The following FANCI variants were observed in gnomAD, a reference collection of about 807,000 sequenced individuals.
The protein encoded by FANCI is Fanconi anemia group I protein.
FANCI carries 156 observed loss-of-function variants against 176.1 expected under a neutral mutation model. That is an observed-to-expected ratio of 0.89 (90% CI 0.78 to 1.01). FANCI has a LOEUF of 1.01. FANCI is among the 50% of genes least tolerant of loss of function. The probability of loss-of-function intolerance (pLI) is 0.00; values close to 1 mark genes in which losing one functional copy is unlikely to be tolerated. For synonymous variants in FANCI, 613 were observed against 541.7 expected, an observed-to-expected ratio of 1.13 and a Z score of -1.83; for missense variants, 1,678 against 1,534.1, an observed-to-expected ratio of 1.09 and a Z score of -1.57.
chr15:89,311,413 C>T (rs1356185766), intron 34 of FANCI, among the ~76,000 whole-genome samples: 1 of 152,122 alleles, frequency 6.6e-6, no homozygotes, highest in Non-Finnish European at 1.5e-5. Flanking sequence ...AGTGAAACTC[C>T]ACCTCAAAAA....
At chr15:89,288,852 A>T (rs1365811476) in intron 18 of FANCI, among the ~76,000 whole-genome samples, 2 of 151,422 alleles carry the variant, frequency 1.3e-5, no homozygotes, top group East Asian at 1.9e-4. Context: ...GTTGCCCAGG[A>T]TGGTCTCAAA....
intron 18 of FANCI, among the ~76,000 whole-genome samples, chr15:89,288,763 T>G (rs2053931747): frequency 6.6e-6 from 1 of 151,738 alleles, no homozygotes. Context: ...ATTGGGACCA[T>G]AGGCACAAGC....
chr15:89,286,193 A>G (rs2053809788), intron 18 of FANCI, among the ~76,000 whole-genome samples: 1 of 152,024 alleles, frequency 6.6e-6, no homozygotes, highest in African/African-American at 2.4e-5. Flanking sequence ...GGATTTCACC[A>G]TGTTGGCCAG....
At chr15:89,268,586 C>T (rs778484251) in intron 10 of FANCI, 61 bp downstream of exon 10, 87 of 1,596,436 alleles carry the variant, frequency 5.4e-5, no homozygotes, top group Non-Finnish European at 7.1e-5. Context: ...TGAACTTAAG[C>T]CACTGTTATG....
At chr15:89,253,168 A>T (rs917541630) in intron 2 of FANCI, among the ~76,000 whole-genome samples, 1 of 152,234 alleles carries the variant, frequency 6.6e-6, no homozygotes, top group East Asian at 1.9e-4. Context: ...AATAGACCCA[A>T]CTACAAGTAA....
At position 89,297,202 on chromosome 15, in the gene FANCI, C is replaced by T. The variant is rs562084658; in HGVS notation, c.2636+2108C>T. Among the ~76,000 whole-genome samples, 428 of 150,232 alleles carry T rather than the reference C, an allele frequency of 2.8e-3. 3 individuals are homozygous for T. The highest frequency in any genetic ancestry group is 5.3e-3 in the South Asian group (25 of 4,732). ...GGTGCTCCTCACATCCCAGACGGGG[C>T]GGCGGGGCAGAGGCGCTCCCCACAT... On this transcript the variant is annotated intron_variant, in intron 24 of 37. Transcript: ENST00000310775.
At chr15:89,305,434 G>T in intron 30 of FANCI, 25 bp downstream of exon 30, 1 of 1,613,120 alleles carries the variant, frequency 6.2e-7, no homozygotes. Flanking sequence ...TGAGCCATGG[G>T]GAATAGCTTT....
chr15:89,253,967 A>G (rs1273533902), intron 2 of FANCI, among the ~76,000 whole-genome samples: 1 of 152,180 alleles, frequency 6.6e-6, no homozygotes, highest in Non-Finnish European at 1.5e-5. Context: ...TGCTGGGATT[A>G]CAGGCAGGAG....
At position 89,292,876 on chromosome 15, in the gene FANCI, G is replaced by A. The variant is rs886051512; in HGVS notation, c.2169+12G>A. 13 of 1,613,950 alleles carry A rather than the reference G, an allele frequency of 8.1e-6. No individual in the cohort carries two copies. The highest frequency in any genetic ancestry group is 1.1e-5 in the Non-Finnish European group (13 of 1,180,014). On this transcript the variant is annotated intron_variant, in intron 21 of 37. Transcript: ENST00000310775. The stretch of plus-strand genomic sequence containing the variant: ...AAGACTTTGAACTGGTAATTGCTAA[G>A]TCCTCAGCTGTATTGAATGATGGAG...
chr15:89,305,485 C>A (rs1427011110), intron 30 of FANCI, 76 bp downstream of exon 30: 2 of 1,608,544 alleles, frequency 1.2e-6, no homozygotes, highest in African/African-American at 2.7e-5. Flanking sequence ...TGACTTGTGT[C>A]CTATAGCGGC....
In FANCI at chr15:89,258,688, TTTTC is replaced by T. The variant is rs780851662; in HGVS notation, c.85-8_85-5del. ...AGACTGTTGCCAGAGACTTGTACCT[TTTTC>T]TTTCTTTGCAGTTGACTAATCTCCT... On this transcript the variant is annotated splice_polypyrimidine_tract_variant and intron_variant, in intron 2 of 37. Transcript: ENST00000310775. The T allele has an allele frequency of 6.2e-7, 1 of 1,608,716 alleles. No individual in the cohort carries two copies. The highest frequency in any genetic ancestry group is 1.7e-5 in the Admixed American group (1 of 60,020).
chr15:89,314,330 A>G (rs2055110011), intron 35 of FANCI, among the ~76,000 whole-genome samples: 1 of 152,244 alleles, frequency 6.6e-6, no homozygotes. Context: ...CAGAAAAGCA[A>G]CTAAATTTCT....
In FANCI at chr15:89,292,736, A is replaced by G. The variant is rs554876309; in HGVS notation, c.2041A>G (p.Thr681Ala). ...IQHCLAWYKNTVIPLQQGEEE... is the reference protein window; with the variant it reads ...IQHCLAWYKNAVIPLQQGEEE... Reference sequence around the variant, plus strand: ...GCATTGTTTGGCCTGGTATAAGAATACAGTCATACCCTTACAGCAGGGAGA... The same window carrying G: ...GCATTGTTTGGCCTGGTATAAGAATGCAGTCATACCCTTACAGCAGGGAGA... Residue 681 changes from threonine (T) to alanine (A), a missense_variant, in exon 21 of 38, where the codon ACA (threonine) becomes GCA (alanine). Thr to Ala is a moderately conservative substitution (Grantham distance 58, BLOSUM62 0). Coordinates refer to ENST00000310775, the MANE Select transcript of FANCI (RefSeq NM_001113378.2). The G allele has an allele frequency of 1.9e-6, 3 of 1,613,988 alleles. No homozygotes were observed. The highest frequency in any genetic ancestry group is 2.2e-5 in the South Asian group (2 of 91,084).
chr15:89,263,795 C>T, intron 7 of FANCI, 108 bp from the exon 8 acceptor site: 1 of 1,326,456 alleles, frequency 7.5e-7, no homozygotes, highest in East Asian at 2.4e-5. Context: ...AGTTTCATTT[C>T]TTAAAATATG....
intron 2 of FANCI, among the ~76,000 whole-genome samples, chr15:89,252,299 T>TAAAAAAAAAAAA: frequency 7.7e-6 from 1 of 130,112 alleles, no homozygotes; most frequent in South Asian, 2.4e-4. Context: ...AGATTCCATC[T>TAAAAAAAAAAAA]AAAAAAAAAA....
chr15:89,290,044 T>TG (rs989427265), intron 18 of FANCI, among the ~76,000 whole-genome samples, 169 bp from the exon 19 acceptor site: 20 of 152,060 alleles, frequency 1.3e-4, no homozygotes, highest in African/African-American at 3.6e-4. Flanking sequence ...ACATTTTGGG[T>TG]GGGAAAAAAA....
chr15:89,274,366 T>C (rs1371619531), intron 12 of FANCI, 62 bp downstream of exon 12: 2 of 1,581,428 alleles, frequency 1.3e-6, no homozygotes, highest in African/African-American at 1.3e-5. Context: ...AAATGCAATG[T>C]GATATCATAC....
intron 2 of FANCI, among the ~76,000 whole-genome samples, chr15:89,256,845 G>A (rs2052516117): frequency 6.6e-6 from 1 of 152,146 alleles, no homozygotes; most frequent in Admixed American, 6.5e-5. Flanking sequence ...AACAGATGGT[G>A]CCACTATCCA....
In FANCI at chr15:89,263,933, A is replaced by G; in HGVS notation, c.576A>G (p.Glu192=). Residue 192 remains glutamate, a synonymous_variant, in exon 8 of 38, where the codon GAA becomes GAG. Transcript: ENST00000310775. ...TCCCTCTGACTGCAGAAGAGGTGGA[A>G]TTTGTGGTGGAAAAAGCATTGAGCA... ...KDVPLTAEEV[E]FVVEKALSMF... 1 of 1,614,094 alleles carries G rather than the reference A, an allele frequency of 6.2e-7. No individual in the cohort carries two copies. Among genetic ancestry groups the G allele is most frequent in the South Asian group, 1.1e-5 (1 of 91,080 alleles).
Sources: allele counts gnomAD v4.1 joint callset (sites outside exome capture counted in the v4.1 genomes callset), GRCh38; gene constraint gnomAD v4.1.1; transcripts MANE v1.5; gene names NCBI Gene and HGNC (gene_info 2026-07-23, HGNC 2026-07-21).